SASH1: variants seen among roughly 807,000 people sequenced by gnomAD.
SASH1 encodes the protein SAM and SH3 domain-containing protein 1.
Under a neutral mutation model 125.2 loss-of-function variants are expected in SASH1, and 44 were observed. The ratio of observed to expected loss-of-function variants is 0.35; its 90% confidence interval spans 0.28 to 0.45. SASH1 has a LOEUF of 0.45. Among genes scored for constraint, SASH1 ranks in the 20% least tolerant of loss-of-function variants. SASH1 has a pLI of 1.00. For missense variants in SASH1, 1,426 were observed against 1,614.5 expected (o/e 0.88, Z 2.00); for synonymous variants, 639 against 649.1 (o/e 0.98, Z 0.24).
intron 7 of SASH1, among the ~76,000 whole-genome samples, chr6:148,479,193 C>T (rs1200870721): frequency 2.0e-5 from 3 of 151,712 alleles, no homozygotes; most frequent in South Asian, 4.2e-4. Context: ...GGATTATAGG[C>T]GCCTGCCACC....
At chr6:148,264,443 C>T in the SASH1 span, among the ~76,000 whole-genome samples, 6 of 152,222 alleles carry the variant, frequency 3.9e-5, no homozygotes, top group Admixed American at 2.0e-4. Context: ...TTTCTCTAAA[C>T]ACCACAAGAA....
intron 4 of SASH1, among the ~76,000 whole-genome samples, chr6:148,448,751 A>G (rs962729265): frequency 2.6e-5 from 4 of 152,298 alleles, no homozygotes; most frequent in East Asian, 3.9e-4. Context: ...CCTGCCTATT[A>G]CAGCCTCTTG....
rs1204013101 is a variant in SASH1 at position 148,549,397 on chromosome 6, TATC to T, written c.*842_*844del. ...TAAAAAGCTATCTGAAATTCACAAA[TATC>T]ATGTGTGTGCGTGCGTGCGTGCGCG... On this transcript the variant is annotated 3_prime_UTR_variant, in exon 20 of 20. Coordinates refer to ENST00000367467, the MANE Select transcript of SASH1 (RefSeq NM_015278.5). 9.1e-5 allele frequency: 35 copies of T among 384,106 alleles called. No homozygotes were observed. Among genetic ancestry groups the T allele is most frequent in the East Asian group, 8.8e-4 (24 of 27,348 alleles). 23.8% of individuals were successfully genotyped at this position (384,106 alleles called of 1,614,324 possible). A position where few individuals can be genotyped will look rare whatever the true frequency, so the allele number is the denominator to read the frequency against.
chr6:148,293,878 T>A (rs1362036938), intron 1 of SASH1, among the ~76,000 whole-genome samples: 2 of 152,214 alleles, frequency 1.3e-5, no homozygotes, highest in African/African-American at 4.8e-5. Flanking sequence ...TCACTGGAAC[T>A]TGGGAAATAT....
chr6:148,196,612 TC>T, the SASH1 span, among the ~76,000 whole-genome samples: 1 of 152,194 alleles, frequency 6.6e-6, no homozygotes, highest in Non-Finnish European at 1.5e-5. Context: ...CAAGTGCTCA[TC>T]GAGCCCAGCC....
At chr6:148,388,266 C>G (rs1783564100) in intron 1 of SASH1, among the ~76,000 whole-genome samples, 1 of 151,052 alleles carries the variant, frequency 6.6e-6, no homozygotes, top group Non-Finnish European at 1.5e-5. Flanking sequence ...CAGCAGAGGC[C>G]AGGAGGCTGA....
intron 1 of SASH1, among the ~76,000 whole-genome samples, chr6:148,346,606 A>G (rs557425845): frequency 2.0e-5 from 3 of 152,254 alleles, no homozygotes; most frequent in African/African-American, 7.2e-5. Flanking sequence ...GGCTTTGTTG[A>G]AAGAAAAAGG....
chr6:148,322,535 G>T (rs1177526979), intron 1 of SASH1, among the ~76,000 whole-genome samples: 3 of 152,078 alleles, frequency 2.0e-5, no homozygotes, highest in African/African-American at 7.2e-5. Flanking sequence ...TTGCAATCCA[G>T]TTTCTACTCC....
intron 1 of SASH1, among the ~76,000 whole-genome samples, chr6:148,314,868 T>C (rs928727956): frequency 4.6e-5 from 7 of 151,724 alleles, no homozygotes; most frequent in Non-Finnish European, 1.0e-4. Context: ...GTGATTCTCC[T>C]GCCTCAGCCT....
the SASH1 span, among the ~76,000 whole-genome samples, chr6:148,258,258 G>GC: frequency 6.6e-6 from 1 of 152,106 alleles, no homozygotes; most frequent in Non-Finnish European, 1.5e-5. Flanking sequence ...GCTTGTGCTA[G>GC]ATTGAGCCAT....
At chr6:148,237,628 A>C in the SASH1 span, 1 of 152,202 alleles carries the variant, frequency 6.6e-6, no homozygotes, top group African/African-American at 2.4e-5. Flanking sequence ...AGAGAATTGA[A>C]AAAACCGCCA....
chr6:148,402,363 T>C (rs1032253189), intron 2 of SASH1, among the ~76,000 whole-genome samples: 5 of 152,080 alleles, frequency 3.3e-5, no homozygotes, highest in Admixed American at 1.3e-4. Flanking sequence ...CAGGCTGGAG[T>C]GAAGTGGTGC....
At chr6:148,250,744 T>C in the SASH1 span, among the ~76,000 whole-genome samples, 21 of 152,330 alleles carry the variant, frequency 1.4e-4, no homozygotes, top group African/African-American at 5.1e-4. Flanking sequence ...GATTTAGAAT[T>C]AGAAACCATC....
At chr6:148,465,242 G>A (rs562031697) in intron 4 of SASH1, among the ~76,000 whole-genome samples, 1 of 152,042 alleles carries the variant, frequency 6.6e-6, no homozygotes, top group Non-Finnish European at 1.5e-5. Context: ...TTGGTCCATA[G>A]CAGTTAGGTC....
At chr6:148,508,013 A>C (rs995553845) in intron 8 of SASH1, among the ~76,000 whole-genome samples, 3 of 152,208 alleles carry the variant, frequency 2.0e-5, no homozygotes, top group Non-Finnish European at 4.4e-5. Flanking sequence ...GGCTCCCCTG[A>C]GGTCCTTGAG....
chr6:148,421,921 A>AT (rs1408438520), intron 2 of SASH1, among the ~76,000 whole-genome samples: 1 of 152,086 alleles, frequency 6.6e-6, no homozygotes, highest in Non-Finnish European at 1.5e-5. Flanking sequence ...TTTCTTGTTT[A>AT]TTTATCAGCA....
At chr6:148,451,990 G>T (rs895180615) in intron 4 of SASH1, among the ~76,000 whole-genome samples, 1 of 152,128 alleles carries the variant, frequency 6.6e-6, no homozygotes, top group Non-Finnish European at 1.5e-5. Flanking sequence ...TCACACAGAG[G>T]CATGCCCTTC....
chr6:148,331,122 C>T (rs2114601964), intron 1 of SASH1, among the ~76,000 whole-genome samples: 1 of 152,216 alleles, frequency 6.6e-6, no homozygotes, highest in African/African-American at 2.4e-5. Flanking sequence ...ATTCACATAG[C>T]CCACTTTTTT....
rs537214553 is a variant in SASH1 at position 148,389,633 on chromosome 6, T to G, written c.157-501T>G. Among the ~76,000 whole-genome samples, 8 of 152,324 alleles carry G rather than the reference T, an allele frequency of 5.3e-5. 1 individual carries two copies. The East Asian group carries it at 1.5e-3, about 29-fold the overall frequency. On this transcript the variant is annotated intron_variant, in intron 1 of 19. Transcript: ENST00000367467. ...TCTATCGGTTCCTGAATTCTCAGGC[T>G]CCCATCAGAATCCCTGGGAGGGGTC...
Sources: allele counts gnomAD v4.1 joint callset (sites outside exome capture counted in the v4.1 genomes callset), GRCh38; gene constraint gnomAD v4.1.1; transcripts MANE v1.5; gene names NCBI Gene and HGNC (gene_info 2026-07-23, HGNC 2026-07-21).